RBFOX1: variants seen among roughly 807,000 people sequenced by gnomAD.
The protein encoded by RBFOX1 is RNA binding protein fox-1 homolog 1.
A neutral mutation model predicts 57.7 loss-of-function variants in RBFOX1; 8 were observed. The ratio of observed to expected loss-of-function variants is 0.14; its 90% CI spans 0.08 to 0.25. The LOEUF is 0.25. RBFOX1 is among the 10% of genes least tolerant of loss of function. RBFOX1 has a pLI of 1.00. For missense variants in RBFOX1, 611 were observed against 548.5 expected, an observed-to-expected ratio of 1.11 and a Z score of -1.14; for synonymous variants, 326 against 222.4, an observed-to-expected ratio of 1.47 and a Z score of -4.15.
At chr16:7,005,627 A>G (rs988406442) in intron 3 of RBFOX1, among the ~76,000 whole-genome samples, 1 of 152,176 alleles carries the variant, frequency 6.6e-6, no homozygotes, top group Admixed American at 6.6e-5. Context: ...ACACTCACAG[A>G]TAGACTTTGG....
At chr16:5,986,173 C>T (rs540687733) in intron 4 of RBFOX1, among the ~76,000 whole-genome samples, 1 of 152,026 alleles carries the variant, frequency 6.6e-6, no homozygotes, top group African/African-American at 2.4e-5. Flanking sequence ...AAGCCATTCT[C>T]CTGCCTCAGC....
chr16:6,300,922 C>A (rs1279776187), intron 1 of RBFOX1, among the ~76,000 whole-genome samples: 1 of 152,048 alleles, frequency 6.6e-6, no homozygotes, highest in Non-Finnish European at 1.5e-5. Context: ...TCTCTGAATC[C>A]CTAACTGTAC....
intron 1 of RBFOX1, among the ~76,000 whole-genome samples, chr16:6,243,809 GGC>G (rs1485018363): frequency 6.6e-6 from 1 of 152,166 alleles, no homozygotes; most frequent in African/African-American, 2.4e-5. Context: ...GAGTCGTCAT[GGC>G]TCCAGTGATG....
At chr16:6,787,745 G>A (rs780150279) in intron 3 of RBFOX1, among the ~76,000 whole-genome samples, 17 of 152,136 alleles carry the variant, frequency 1.1e-4, no homozygotes, top group Non-Finnish European at 2.2e-4. Context: ...CAGAGCTTCT[G>A]CTGGCTTAAT....
At chr16:7,568,040 A>G (rs1424141712) in intron 5 of RBFOX1, among the ~76,000 whole-genome samples, 1 of 152,064 alleles carries the variant, frequency 6.6e-6, no homozygotes, top group Non-Finnish European at 1.5e-5. Context: ...ACTCAATAAT[A>G]TTCCTCATTT....
chr16:5,850,049 C>A (rs1014458703), intron 3 of RBFOX1, among the ~76,000 whole-genome samples: 1 of 152,182 alleles, frequency 6.6e-6, no homozygotes, highest in Non-Finnish European at 1.5e-5. Context: ...TCTGTCTCCA[C>A]CAGTTTCAGC....
intron 4 of RBFOX1, among the ~76,000 whole-genome samples, chr16:7,154,486 A>G (rs746130348): frequency 6.6e-6 from 1 of 152,198 alleles, no homozygotes; most frequent in Non-Finnish European, 1.5e-5. Context: ...ATTTGCTTGA[A>G]TCTGCTCAGT....
intron 5 of RBFOX1, among the ~76,000 whole-genome samples, chr16:7,570,636 C>T (rs2092677726): frequency 6.6e-6 from 1 of 152,168 alleles, no homozygotes; most frequent in Non-Finnish European, 1.5e-5. Flanking sequence ...AATATTCCTT[C>T]CCTGAATGTA....
intron 4 of RBFOX1, among the ~76,000 whole-genome samples, chr16:7,230,741 C>T (rs1383357930): frequency 6.6e-6 from 1 of 152,146 alleles, no homozygotes; most frequent in Non-Finnish European, 1.5e-5. Context: ...CAACTTAGCA[C>T]CAAATGCATG....
intron 2 of RBFOX1, among the ~76,000 whole-genome samples, chr16:6,455,369 C>T (rs2153053834): frequency 6.6e-6 from 1 of 152,210 alleles, no homozygotes. Flanking sequence ...AGGGAGATGT[C>T]ACTCCTGCTC....
chr16:7,680,889 T>C (rs1191088251), intron 14 of RBFOX1, among the ~76,000 whole-genome samples: 1 of 152,050 alleles, frequency 6.6e-6, no homozygotes, highest in Non-Finnish European at 1.5e-5. Flanking sequence ...TCTTCCTCTC[T>C]GCACACACAC....
intron 4 of RBFOX1, among the ~76,000 whole-genome samples, chr16:5,995,701 C>G (rs973657956): frequency 1.3e-5 from 2 of 152,098 alleles, no homozygotes; most frequent in African/African-American, 4.8e-5. Flanking sequence ...GGTGGAAAAT[C>G]TTTGATATAA....
At chr16:5,319,377 C>T (rs1013998016) in intron 1 of RBFOX1, among the ~76,000 whole-genome samples, 2 of 152,178 alleles carry the variant, frequency 1.3e-5, no homozygotes, top group Non-Finnish European at 2.9e-5. Context: ...CTTTGGTTCA[C>T]AGCCCTGTTC....
chr16:6,988,559 C>T (rs2346239), intron 3 of RBFOX1, among the ~76,000 whole-genome samples: 114,600 of 148,958 alleles, frequency 0.77, 44,206 homozygotes, highest in African/African-American at 0.9. Flanking sequence ...TTTAATTTAA[C>T]TTTATTTAAT....
At chr16:7,363,966 A>G (rs538815074) in intron 4 of RBFOX1, among the ~76,000 whole-genome samples, 1 of 152,270 alleles carries the variant, frequency 6.6e-6, no homozygotes, top group East Asian at 1.9e-4. Context: ...TGAGGAAAAG[A>G]GGACATTTGA....
At chr16:6,346,648 A>G (rs553472562) in intron 2 of RBFOX1, among the ~76,000 whole-genome samples, 35 of 152,332 alleles carry the variant, frequency 2.3e-4, no homozygotes, top group Middle Eastern at 3.4e-3. Flanking sequence ...TCCTTGCTCA[A>G]TTAAACTCTG....
chr16:6,838,894 C>T (rs1307002139), intron 3 of RBFOX1, among the ~76,000 whole-genome samples: 2 of 151,962 alleles, frequency 1.3e-5, no homozygotes, highest in African/African-American at 4.8e-5. Flanking sequence ...AAAAAGGATT[C>T]TTCATTATTA....
At chr16:6,099,536 A>T in intron 1 of RBFOX1, among the ~76,000 whole-genome samples, 1 of 151,930 alleles carries the variant, frequency 6.6e-6, no homozygotes, top group Non-Finnish European at 1.5e-5. Flanking sequence ...GGGATGGGGA[A>T]GTGAGAGCAA....
chr16:7,288,924 A>G (rs2095704461), intron 4 of RBFOX1, among the ~76,000 whole-genome samples: 1 of 152,342 alleles, frequency 6.6e-6, no homozygotes, highest in South Asian at 2.1e-4. Context: ...GGGGAACAAC[A>G]TTGGAATCGT....
Sources: gnomAD v4.1 joint callset for allele counts (sites outside exome capture counted in the v4.1 genomes callset) on GRCh38, gnomAD v4.1.1 for gene constraint, MANE v1.5 for transcripts, NCBI Gene and HGNC (gene_info 2026-07-23, HGNC 2026-07-21) for gene names.